COL24A1: variants seen among roughly 807,000 people sequenced by gnomAD.
COL24A1 encodes collagen alpha-1(XXIV) chain.
Under a neutral mutation model 253.9 loss-of-function variants are expected in COL24A1, and 224 were observed. The observed-to-expected ratio is 0.88, with a 90% CI of 0.79 to 0.99. The LOEUF (loss-of-function observed/expected upper bound fraction) is 0.99, where lower values mean the gene tolerates loss of function less well. Among genes scored for constraint, COL24A1 ranks in the 50% least tolerant of loss-of-function variants. COL24A1 has a pLI of 0.00. For missense variants in COL24A1, 2,131 were observed against 2,068.5 expected (o/e 1.03, Z -0.59); for synonymous variants, 685 against 673.7 (o/e 1.02, Z -0.26).
At chr1:86,110,004 T>G (rs1479737935) in intron 5 of COL24A1, among the ~76,000 whole-genome samples, 2 of 152,164 alleles carry the variant, frequency 1.3e-5, no homozygotes, top group Non-Finnish European at 2.9e-5. Context: ...GGTGCTCTAA[T>G]CTTGGACTTC....
At chr1:85,961,439 A>G (rs1172115945) in intron 23 of COL24A1, 146 bp from the exon 24 acceptor site, 1 of 645,410 alleles carries the variant, frequency 1.5e-6, no homozygotes. Context: ...AAACTTTGTT[A>G]TAAGTGGAGC....
At position 85,895,839 on chromosome 1, in the gene COL24A1, G is replaced by C. The variant is rs754066132; in HGVS notation, c.2922+19C>G. Reference sequence around the variant, plus strand: ...TGCAGATAAAAATTTTTCATAGCATGATTTTTTAAATTACTTACTGGTTTC... The same window carrying C: ...TGCAGATAAAAATTTTTCATAGCATCATTTTTTAAATTACTTACTGGTTTC... On this transcript the variant is annotated intron_variant, in intron 31 of 59. Transcript: ENST00000370571. 2.2e-5 allele frequency: 35 copies of C among 1,598,526 alleles called. No individual in the cohort carries two copies. Among genetic ancestry groups the C allele is most frequent in the East Asian group, 2.2e-5 (1 of 44,542 alleles).
Position 85,838,587 on chromosome 1 carries a change from T to C in COL24A1, c.3679A>G (p.Lys1227Glu). 1 of 1,613,714 alleles carries C rather than the reference T, an allele frequency of 6.2e-7. No individual in the cohort carries two copies. Among genetic ancestry groups the C allele is most frequent in the Non-Finnish European group, 8.5e-7 (1 of 1,179,656 alleles). ...ERGEPGAEGYKGHVGVPGLRG... is the reference protein window; with the variant it reads ...ERGEPGAEGYEGHVGVPGLRG... ...TAAGGGGTATAACTTGCAATTACCT[T>C]ATATCCCTCTGCTCCAGGCTCTCCT... Residue 1227 changes from lysine (K) to glutamate (E), a missense_variant and splice_region_variant, in exon 43 of 60, where the codon AAG becomes GAG. By Grantham distance (56) the Lys-to-Glu change is moderately conservative (BLOSUM62 1). Coordinates refer to ENST00000370571, the MANE Select transcript of COL24A1 (RefSeq NM_152890.7).
intron 3 of COL24A1, among the ~76,000 whole-genome samples, chr1:86,122,353 C>T (rs149093198): frequency 3.8e-4 from 58 of 151,964 alleles, no homozygotes; most frequent in African/African-American, 1.3e-3. Flanking sequence ...CTTTCTATAA[C>T]CAAAAAGCAA....
intron 39 of COL24A1, among the ~76,000 whole-genome samples, chr1:85,846,791 T>TA (rs1332751865): frequency 6.6e-6 from 1 of 152,076 alleles, no homozygotes; most frequent in Non-Finnish European, 1.5e-5. Flanking sequence ...TGTTTTTGTA[T>TA]ACAGGTCAAA....
chr1:85,781,364 A>G (rs1669128974), intron 51 of COL24A1, 91 bp from the exon 52 acceptor site: 1 of 820,458 alleles, frequency 1.2e-6, no homozygotes, highest in African/African-American at 1.7e-5. Context: ...TAAAAGAGCC[A>G]TGTCTACATA....
rs559258368 is a variant in COL24A1, at chr1:85,879,244, A to AGG, written c.2977-2071_2977-2070dup. ...ACATTTAAGTCTATGATTCATTTTGAGGGTGTGTGTGTGTGTGTGTGTGTG... is the reference window on the plus strand; with the variant it reads ...ACATTTAAGTCTATGATTCATTTTGAGGGGGTGTGTGTGTGTGTGTGTGTGTG... On this transcript the variant is annotated intron_variant, in intron 32 of 59. Transcript: ENST00000370571. Among the ~76,000 whole-genome samples, 274 of 99,382 alleles carry AGG rather than the reference A, an allele frequency of 2.8e-3. 7 individuals carry two copies. The South Asian group carries it at 0.067, about 24-fold the overall frequency. 65.2% of individuals were successfully genotyped at this position (99,382 alleles called of 152,430 possible).
chr1:86,128,620 G>T (rs544904746), intron 2 of COL24A1, among the ~76,000 whole-genome samples: 1 of 151,782 alleles, frequency 6.6e-6, no homozygotes, highest in African/African-American at 2.4e-5. Flanking sequence ...AAATATCATT[G>T]GGAGGAGTAT....
intron 53 of COL24A1, among the ~76,000 whole-genome samples, chr1:85,767,805 A>G (rs1037793677): frequency 6.6e-6 from 1 of 152,202 alleles, no homozygotes; most frequent in African/African-American, 2.4e-5. Context: ...AGGAAATGCT[A>G]CTTTACCAGG....
Position 86,125,552 on chromosome 1 carries a change from T to C in COL24A1, c.784A>G (p.Thr262Ala), listed in dbSNP as rs199897192. ...GGGGGAGAGTGTTCCGGTATCTTTG[T>C]TGGTATGAGAGTTGTACAAGGAATG... ...TSIPCTTLIP[T>A]KIPEHSPPPK... Residue 262 changes from threonine (T) to alanine (A), a missense_variant, in exon 3 of 60, where the codon ACA (threonine) becomes GCA (alanine). Coordinates refer to ENST00000370571, the MANE Select transcript of COL24A1 (RefSeq NM_152890.7). 6 of 1,613,602 alleles carry C rather than the reference T, an allele frequency of 3.7e-6. No homozygotes were observed. In the Admixed American group the frequency reaches 8.4e-5, roughly 22 times the overall value.
At chr1:85,984,966 A>T (rs1446785581) in intron 20 of COL24A1, among the ~76,000 whole-genome samples, 1 of 151,880 alleles carries the variant, frequency 6.6e-6, no homozygotes. Context: ...TTAAATGGTC[A>T]TTCAATTAAT....
At chr1:86,065,122 G>A (rs1223477925) in intron 7 of COL24A1, among the ~76,000 whole-genome samples, 1 of 152,130 alleles carries the variant, frequency 6.6e-6, no homozygotes, top group African/African-American at 2.4e-5. Flanking sequence ...GAAGTTTCCT[G>A]GAGGATGACA....
At chr1:85,737,637 C>T in intron 57 of COL24A1, 132 bp from the exon 58 acceptor site, 1 of 557,804 alleles carries the variant, frequency 1.8e-6, no homozygotes, top group Non-Finnish European at 3.1e-6. Context: ...GATCTTGGCT[C>T]ACTGTAACCT....
In COL24A1 at chr1:85,971,351, T is replaced by G. The variant is rs1392265725; in HGVS notation, c.2407A>C (p.Lys803Gln). ...CACTTCTTCCATACCTGAGTTCCTT[T>G]GAGACCAGGAGGTCCAGGAGGTCCT... ...NRGPPGPPGLKGTQGEEGPIG... is the reference protein window; with the variant it reads ...NRGPPGPPGLQGTQGEEGPIG... The change falls in exon 21 of 60, where the codon AAA (lysine) becomes CAA (glutamine). Residue 803 changes from lysine to glutamine, a missense_variant. Physicochemically the swap from Lys to Gln is moderately conservative, Grantham distance 53 (BLOSUM62 1). Transcript: ENST00000370571. 1 of 1,612,690 alleles carries G rather than the reference T, an allele frequency of 6.2e-7. No homozygotes were observed. The highest frequency in any genetic ancestry group is 8.5e-7 in the Non-Finnish European group (1 of 1,179,402).
intron 2 of COL24A1, among the ~76,000 whole-genome samples, chr1:86,128,124 CA>C (rs1364185607): frequency 6.6e-6 from 1 of 151,780 alleles, no homozygotes; most frequent in Non-Finnish European, 1.5e-5. Context: ...ACATAATCAA[CA>C]AAAAAATACC....
At chr1:85,890,501 T>C (rs1277396181) in intron 31 of COL24A1, among the ~76,000 whole-genome samples, 1 of 152,060 alleles carries the variant, frequency 6.6e-6, no homozygotes, top group African/African-American at 2.4e-5. Context: ...CTAGTGATGT[T>C]GAGTATCTTT....
At chr1:86,037,165 AT>A (rs2101572362) in intron 12 of COL24A1, among the ~76,000 whole-genome samples, 1 of 152,216 alleles carries the variant, frequency 6.6e-6, no homozygotes, top group South Asian at 2.1e-4. Flanking sequence ...ATAATTTTCT[AT>A]TTTCTCATTT....
At chr1:86,004,644 A>G (rs1695762475) in intron 19 of COL24A1, among the ~76,000 whole-genome samples, 1 of 152,206 alleles carries the variant, frequency 6.6e-6, no homozygotes, top group Admixed American at 6.5e-5. Context: ...GGAAGCAGGT[A>G]TGGTCCTATT....
At chr1:85,998,714 C>T (rs755846330) in intron 19 of COL24A1, among the ~76,000 whole-genome samples, 8 of 152,140 alleles carry the variant, frequency 5.3e-5, no homozygotes, top group Admixed American at 1.3e-4. Flanking sequence ...TCCAAGATAA[C>T]GAGATAATAT....
Sources: gnomAD v4.1 joint callset for allele counts (sites outside exome capture counted in the v4.1 genomes callset) on GRCh38, gnomAD v4.1.1 for gene constraint, MANE v1.5 for transcripts, NCBI Gene and HGNC (gene_info 2026-07-23, HGNC 2026-07-21) for gene names.